The following HMCN2 variants were observed in gnomAD, a reference collection of about 807,000 sequenced individuals.
The protein encoded by HMCN2 is hemicentin 2.
In HMCN2, 325 loss-of-function variants were observed where a neutral mutation model predicts 377.5. The observed-to-expected ratio is 0.86, with a 90% CI of 0.79 to 0.94. The LOEUF is 0.94. Ranked by LOEUF, HMCN2 falls within the 40% of genes least tolerant of loss-of-function variation. The probability of loss-of-function intolerance (pLI) is 0.00; values close to 1 mark genes in which losing one functional copy is unlikely to be tolerated. For synonymous variants in HMCN2, 2,007 were observed against 2,046.8 expected (o/e 0.98, Z 0.53); for missense variants, 4,543 against 4,725.3 (o/e 0.96, Z 1.13).
rs889247588 is a variant in HMCN2 at position 130,422,464 on chromosome 9, G to A, written c.13232-113G>A. On this transcript the variant is annotated intron_variant, in intron 86 of 97. Coordinates refer to ENST00000683500, the MANE Select transcript of HMCN2 (RefSeq NM_001291815.2). The surrounding 1 kb of genome is among the most constrained non-coding windows in gnomAD (Gnocchi z 4.2). ...TGTGTGTCCTTGGACAAGTGGAGGT[G>A]AACTCTCCGAGCCTCCATTTACTCC... The A allele has an allele frequency of 2.6e-6, 2 of 767,264 alleles. No individual in the cohort carries two copies. Among genetic ancestry groups the A allele is most frequent in the Admixed American group, 4.3e-5 (1 of 23,148 alleles). The allele number at this position is 767,264 out of a possible 1,614,324, so 47.5% of individuals were successfully genotyped here.
Position 130,265,941 on chromosome 9 carries a change from AG to A in HMCN2, c.64del (p.Val22TrpfsTer8), listed in dbSNP as rs1834067714. 9.9e-6 allele frequency: 4 copies of A among 404,546 alleles called. No individual in the cohort carries two copies. Among genetic ancestry groups the A allele is most frequent in the Admixed American group, 9.0e-5 (3 of 33,438 alleles). 25.1% of individuals were successfully genotyped at this position (404,546 alleles called of 1,614,324 possible). On this transcript the variant is annotated frameshift_variant, in exon 1 of 98. Coordinates refer to ENST00000683500, the MANE Select transcript of HMCN2 (RefSeq NM_001291815.2). LOFTEE classifies it high-confidence loss of function. The part of the protein sequence containing the change: ...TAVSAAVAVA[V>X]AGAPGTVMPP... ...CGGTCTCTGCGGCAGTGGCAGTGGC[AG>A]TGGCCGGGGCGCCCGGGACGGTAAT...
chr9:130,403,926 AG>A, intron 80 of HMCN2, 51 bp downstream of exon 80: 1 of 1,265,274 alleles, frequency 7.9e-7, no homozygotes, highest in Non-Finnish European at 1.0e-6. Context: ...AGGGGCTTTG[AG>A]GCTTCTGCAA....
chr9:130,302,450 G>T (rs1165682028), intron 8 of HMCN2, among the ~76,000 whole-genome samples: 1 of 152,220 alleles, frequency 6.6e-6, no homozygotes, highest in Non-Finnish European at 1.5e-5. Context: ...TACCCCTGGG[G>T]AGCCTAATCC....
Position 130,294,881 on chromosome 9 carries a change from C to A in HMCN2, c.639C>A (p.Ile213=). 2.2e-6 allele frequency: 1 copy of A among 462,828 alleles called. No individual in the cohort carries two copies. 28.7% of individuals were successfully genotyped at this position (462,828 alleles called of 1,614,324 possible). A position where few individuals can be genotyped will look rare whatever the true frequency, so the allele number is the denominator to read the frequency against. The part of the protein sequence containing the change: ...TEVLKWVESA[I]QASKVHLLST... ...TGCTGAAGTGGGTGGAGTCAGCGATCCAGGCCTCCAAGGTGCACCTGCTGT... is the reference window on the plus strand; with the variant it reads ...TGCTGAAGTGGGTGGAGTCAGCGATACAGGCCTCCAAGGTGCACCTGCTGT... The change falls in exon 5 of 98, where the codon ATC becomes ATA. Residue 213 remains isoleucine, a synonymous_variant. Transcript: ENST00000683500.
In HMCN2 at chr9:130,429,759, G is replaced by T; in HGVS notation, c.14326+74G>T. On this transcript the variant is annotated intron_variant, in intron 94 of 97. Transcript: ENST00000683500. ...GTTACCGGATGCAGGGCCCCAGCCT[G>T]CCCTGCCTAGTTACGGGGACACCCA... 6.9e-6 allele frequency: 9 copies of T among 1,299,072 alleles called. 1 individual carries two copies. Among genetic ancestry groups the T allele is most frequent in the Non-Finnish European group, 8.1e-6 (8 of 985,486 alleles). 80.5% of individuals were successfully genotyped at this position (1,299,072 alleles called of 1,614,324 possible).
rs534708823 is a variant in HMCN2 at position 130,409,404 on chromosome 9, C to T, written c.12879+471C>T. 6.5e-4 allele frequency among the ~76,000 whole-genome samples: 99 copies of T among 152,328 alleles called. 1 individual carries two copies. In the South Asian group the frequency reaches 7.7e-3, roughly 12 times the overall value. On this transcript the variant is annotated intron_variant, in intron 84 of 97. Coordinates refer to ENST00000683500, the MANE Select transcript of HMCN2 (RefSeq NM_001291815.2). ...TCAGGCCCCGTGCTGTTTCCAAAGC[C>T]TTGGGCCCTGGGGCAGCCCCTCTCA...
Position 130,431,380 on chromosome 9 carries a change from C to A in HMCN2, c.14661C>A (p.Cys4887Ter). ...TGCCCGGGCCAGACCTTGACGAGTG[C>A]CGCGTGAGGAACCTGTGTCAGCACG... ...QNGVCTDLDE[C>*]RVRNLCQHAC... is the part of the protein sequence containing the mutation. The change falls in exon 96 of 98, where the codon TGC (cysteine) becomes TGA (stop). Residue 4887 changes from cysteine (C) to a stop codon, truncating the protein, a stop_gained. Coordinates refer to ENST00000683500, the MANE Select transcript of HMCN2 (RefSeq NM_001291815.2). LOFTEE classifies it high-confidence loss of function. 6.5e-7 allele frequency: 1 copy of A among 1,549,786 alleles called. No individual in the cohort carries two copies. The highest frequency in any genetic ancestry group is 1.2e-5 in the South Asian group (1 of 84,028).
intron 62 of HMCN2, among the ~76,000 whole-genome samples, chr9:130,389,007 C>T (rs372708067): frequency 2.2e-4 from 34 of 152,324 alleles, no homozygotes; most frequent in Middle Eastern, 6.8e-3. Context: ...CTCCGCATGA[C>T]GGCAGAAGCC....
intron 62 of HMCN2, among the ~76,000 whole-genome samples, chr9:130,389,677 C>T (rs1450700477): frequency 3.3e-5 from 5 of 151,790 alleles, no homozygotes; most frequent in African/African-American, 9.7e-5. Flanking sequence ...TGGGTTGAAG[C>T]GATTCTCCTG....
At position 130,418,783 on chromosome 9, in the gene HMCN2, T is replaced by A. The variant is rs536998843; in HGVS notation, c.12973T>A (p.Phe4325Ile). 3 of 1,446,116 alleles carry A rather than the reference T, an allele frequency of 2.1e-6. No homozygotes were observed. The highest frequency in any genetic ancestry group is 2.9e-5 in the African/African-American group (2 of 69,862). 89.6% of individuals were successfully genotyped at this position (1,446,116 alleles called of 1,614,324 possible). A position where few individuals can be genotyped will look rare whatever the true frequency, so the allele number is the denominator to read the frequency against. ...TGGGCCTCCCACAGGTGCTCCGGTG[T>A]TCCAGGTGGAGCCCCAGGACATGAC... Reference protein sequence around the residue: ...VILVLQSAPVFQVEPQDMTVR... With the variant: ...VILVLQSAPVIQVEPQDMTVR... The change falls in exon 86 of 98, where the codon TTC becomes ATC. Residue 4325 changes from phenylalanine (F) to isoleucine (I), a missense_variant. Coordinates refer to ENST00000683500, the MANE Select transcript of HMCN2 (RefSeq NM_001291815.2).
rs576838258 is a variant in HMCN2 at position 130,358,464 on chromosome 9, G to T, written c.5655G>T (p.Arg1885Ser). 286 of 1,304,372 alleles carry T rather than the reference G, an allele frequency of 2.2e-4. No individual in the cohort carries two copies. Among genetic ancestry groups the T allele is most frequent in the Non-Finnish European group, 2.8e-4 (275 of 988,950 alleles). The allele number at this position is 1,304,372 out of a possible 1,614,324, so 80.8% of individuals were successfully genotyped here. The change falls in exon 36 of 98, where the codon AGG (arginine) becomes AGT (serine). Residue 1885 changes from arginine to serine, a missense_variant. Physicochemically the swap from Arg to Ser is moderately radical, Grantham distance 110. Transcript: ENST00000683500. ...CCAACCTGGCTGGGGAGAGCAAGAG[G>T]GAAGTGGCGCTGAAAGTTTTGGGTG... ...AATNLAGESKREVALKVLVPP... is the reference protein window; with the variant it reads ...AATNLAGESKSEVALKVLVPP...
At position 130,316,000 on chromosome 9, in the gene HMCN2, T is replaced by A. The variant is rs1035489821; in HGVS notation, c.2351-3495T>A. ...CATATGGGTTTGTGGGGGACACAGT[T>A]CAGCCCGTAGCAGACAGGGCTCAGG... is the stretch of plus-strand genomic sequence containing the variant. On this transcript the variant is annotated intron_variant, in intron 15 of 97. Transcript: ENST00000683500. 5.3e-5 allele frequency among the ~76,000 whole-genome samples: 8 copies of A among 152,264 alleles called. No individual in the cohort carries two copies. In the South Asian group the frequency reaches 8.3e-4, roughly 16 times the overall value.
Position 130,424,862 on chromosome 9 carries a change from T to C in HMCN2, c.13468T>C (p.Ser4490Pro). The C allele has an allele frequency of 6.8e-7, 1 of 1,469,688 alleles. No homozygotes were observed. The highest frequency in any genetic ancestry group is 9.0e-7 in the Non-Finnish European group (1 of 1,105,068). The allele number at this position is 1,469,688 out of a possible 1,614,324, so 91.0% of individuals were successfully genotyped here. Reference sequence around the variant, plus strand: ...GAGTGGGGAAGCCCTGAATGGCCACTCTCTGACTGGGGGCAGGTTCCGGCA... The same window carrying C: ...GAGTGGGGAAGCCCTGAATGGCCACCCTCTGACTGGGGGCAGGTTCCGGCA... The part of the protein sequence containing the change: ...RESGEALNGH[S>P]LTGGRFRQES... The change falls in exon 88 of 98, where the codon TCT becomes CCT. Residue 4490 changes from serine (S) to proline (P), a missense_variant. Ser to Pro is a moderately conservative substitution (Grantham distance 74, BLOSUM62 -1). Coordinates refer to ENST00000683500, the MANE Select transcript of HMCN2 (RefSeq NM_001291815.2).
At chr9:130,332,146 G>A (rs1160325148) in intron 22 of HMCN2, among the ~76,000 whole-genome samples, 1 of 152,240 alleles carries the variant, frequency 6.6e-6, no homozygotes, top group Non-Finnish European at 1.5e-5. Flanking sequence ...CATGGGGACT[G>A]TACCTTGGTG....
chr9:130,368,543 A>G (rs1048095581), intron 44 of HMCN2, 106 bp downstream of exon 44: 4 of 571,732 alleles, frequency 7.0e-6, no homozygotes, highest in Non-Finnish European at 8.9e-6. Flanking sequence ...TGTGTGGTGC[A>G]GGCTTTCTCC....
At chr9:130,358,036 A>T in intron 35 of HMCN2, 48 bp downstream of exon 35, 1 of 1,279,106 alleles carries the variant, frequency 7.8e-7, no homozygotes, top group Non-Finnish European at 1.0e-6. Flanking sequence ...GCACAGGTGG[A>T]GGGGCTGCTC....
Position 130,408,901 on chromosome 9 carries a change from C to T in HMCN2, c.12847C>T (p.Gln4283Ter). 8 of 1,289,692 alleles carry T rather than the reference C, an allele frequency of 6.2e-6. No individual in the cohort carries two copies. The highest frequency in any genetic ancestry group is 7.1e-6 in the Non-Finnish European group (7 of 988,842). The allele number at this position is 1,289,692 out of a possible 1,614,324, so 79.9% of individuals were successfully genotyped here. The change falls in exon 84 of 98, where the codon CAG becomes TAG. Residue 4283 changes from glutamine (Q) to a stop codon, truncating the protein, a stop_gained. Coordinates refer to ENST00000683500, the MANE Select transcript of HMCN2 (RefSeq NM_001291815.2). LOFTEE classifies it high-confidence loss of function. ...LRGSHLRHQLQNGSLTIRRTE... is the reference protein window; with the variant it reads ...LRGSHLRHQL ...GGGCAGCCACCTCCGGCACCAGCTG[C>T]AGAATGGCTCGCTGACCATCCGCAG...
At chr9:130,375,234 C>T (rs986698055) in intron 49 of HMCN2, among the ~76,000 whole-genome samples, 1 of 152,200 alleles carries the variant, frequency 6.6e-6, no homozygotes, top group African/African-American at 2.4e-5. Flanking sequence ...CCCCCAACTC[C>T]CACTCCCCCC....
chr9:130,372,311 A>G lies in HMCN2; in HGVS notation c.7255A>G (p.Met2419Val), dbSNP rs1410912922. ...YLLAGGWMLK[M>V]TQTQEQDSGL... ...CTCCCCAGGTGGCTGGATGCTGAAG[A>G]TGACTCAGACACAGGAGCAAGACAG... The change falls in exon 47 of 98, where the codon ATG (methionine) becomes GTG (valine). Residue 2419 changes from methionine to valine, a missense_variant. Met to Val is a conservative substitution (Grantham distance 21, BLOSUM62 1). Around this residue, in one of 5 missense-constraint regions of HMCN2, gnomAD observed 1,032 missense variants for 1,285.1 expected, o/e 0.80. Coordinates refer to ENST00000683500, the MANE Select transcript of HMCN2 (RefSeq NM_001291815.2). 1.0e-6 allele frequency: 1 copy of G among 985,866 alleles called. No homozygotes were observed. The allele number at this position is 985,866 out of a possible 1,614,324, so 61.1% of individuals were successfully genotyped here. A position where few individuals can be genotyped will look rare whatever the true frequency, so the allele number is the denominator to read the frequency against.
Sources: gnomAD v4.1 joint callset for allele counts (sites outside exome capture counted in the v4.1 genomes callset) on GRCh38, gnomAD v4.1.1 for gene constraint, gnomAD v4.1.1 regional missense constraint, Gnocchi (gnomAD v3.1) non-coding constraint, MANE v1.5 for transcripts, NCBI Gene and HGNC (gene_info 2026-07-23, HGNC 2026-07-21) for gene names.